The following ABCB11 variants were observed in gnomAD, a reference collection of about 807,000 sequenced individuals.
ABCB11 encodes ATP binding cassette subfamily B member 11.
In ABCB11, 95 loss-of-function variants were observed where a neutral mutation model predicts 148.0. That is an observed-to-expected ratio of 0.64 (90% confidence interval 0.54 to 0.76). ABCB11 has a LOEUF of 0.76. Among genes scored for constraint, ABCB11 ranks in the 30% least tolerant of loss-of-function variants. The pLI is 0.00. For missense variants in ABCB11, 1,523 were observed against 1,617.8 expected (o/e 0.94, Z 1.01); for synonymous variants, 591 against 555.4 (o/e 1.06, Z -0.90).
At position 168,923,802 on chromosome 2, in the gene ABCB11, G is replaced by T; in HGVS notation, c.3786C>A (p.Asp1262Glu). 1 of 1,613,926 alleles carries T rather than the reference G, an allele frequency of 6.2e-7. No individual in the cohort carries two copies. Among genetic ancestry groups the T allele is most frequent in the Non-Finnish European group, 8.5e-7 (1 of 1,179,882 alleles). The stretch of plus-strand genomic sequence containing the variant: ...TGCAGGTCCGACCCTCTCTGGCTTT[G>T]TCTAGAGCAACCTGCACCGTCTGCA... ...ESEKTVQVAL[D>E]KAREGRTCIV... Residue 1262 changes from aspartate (D) to glutamate (E), a missense_variant, in exon 28 of 28, where the codon GAC becomes GAA. Coordinates refer to ENST00000650372, the MANE Select transcript of ABCB11 (RefSeq NM_003742.4).
downstream of ABCB11, among the ~76,000 whole-genome samples, chr2:168,919,624 ATTT>A (rs774341336): frequency 1.3e-3 from 163 of 125,538 alleles, no homozygotes; most frequent in African/African-American, 4.7e-3. Context: ...CTGTGACCTT[ATTT>A]TTTAAAAAAA....
chr2:169,030,779 A>C (rs1362205254), intron 1 of ABCB11, among the ~76,000 whole-genome samples: 2 of 152,198 alleles, frequency 1.3e-5, no homozygotes, highest in Admixed American at 6.5e-5. Context: ...GTTGGAGAAA[A>C]GATAAAGTCG....
intron 12 of ABCB11, among the ~76,000 whole-genome samples, chr2:168,975,156 TAATA>T (rs574270382): frequency 6.9e-5 from 3 of 43,736 alleles, no homozygotes; most frequent in African/African-American, 1.8e-4. Flanking sequence ...GATAAATATA[TAATA>T]AATATTTTTA....
chr2:169,014,905 G>A (rs978567043), intron 3 of ABCB11, among the ~76,000 whole-genome samples: 3 of 151,870 alleles, frequency 2.0e-5, no homozygotes, highest in South Asian at 4.2e-4. Context: ...CTTCAACTTC[G>A]GGGATCTTGA....
At chr2:168,976,757 A>G in intron 11 of ABCB11, 70 bp from the exon 12 acceptor site, 1 of 927,318 alleles carries the variant, frequency 1.1e-6, no homozygotes, top group Non-Finnish European at 1.7e-6. Context: ...CAAATTGTAA[A>G]TTCAAATAAA....
intron 8 of ABCB11, among the ~76,000 whole-genome samples, chr2:168,991,336 CAT>C (rs1454307444): frequency 2.0e-5 from 3 of 151,986 alleles, no homozygotes; most frequent in African/African-American, 7.2e-5. Context: ...TAATATATGA[CAT>C]ATAACATATA....
intron 5 of ABCB11, among the ~76,000 whole-genome samples, chr2:169,004,538 GCTAT>G (rs1233872461): frequency 6.6e-6 from 1 of 151,924 alleles, no homozygotes; most frequent in African/African-American, 2.4e-5. Flanking sequence ...TTTTATTTAT[GCTAT>G]CTATTTAACT....
In ABCB11 at chr2:168,932,458, A is replaced by G. The variant is rs199974713; in HGVS notation, c.3132T>C (p.Ala1044=). The G allele has an allele frequency of 6.4e-5, 103 of 1,612,864 alleles. No homozygotes were observed. Among genetic ancestry groups the G allele is most frequent in the Admixed American group, 5.3e-4 (32 of 59,896 alleles). ...GAAAAAAGCGTGCAGCTGATATTTTAGCTTTTGCATAACTTGGGGTGTAAG... is the reference window on the plus strand; with the variant it reads ...GAAAAAAGCGTGCAGCTGATATTTTGGCTTTTGCATAACTTGGGGTGTAAG... ...AFSYTPSYAK[A]KISAARFFQL... The change falls in exon 24 of 28, where the codon GCT becomes GCC. Residue 1044 remains alanine, a synonymous_variant. Transcript: ENST00000650372.
At chr2:168,975,926 A>C (rs1693884200) in intron 12 of ABCB11, among the ~76,000 whole-genome samples, 1 of 151,766 alleles carries the variant, frequency 6.6e-6, no homozygotes, top group African/African-American at 2.4e-5. Flanking sequence ...TACTCTGTTG[A>C]AAATGAGGAA....
At position 168,984,872 on chromosome 2, in the gene ABCB11, G is replaced by T. The variant is rs1056626432; in HGVS notation, c.1083+1238C>A. ...AAAGCCCTTCTAGACTTTGGCCTAGGCAAAGATTTCATGACCAAGAACCCA... is the reference window on the plus strand; with the variant it reads ...AAAGCCCTTCTAGACTTTGGCCTAGTCAAAGATTTCATGACCAAGAACCCA... On this transcript the variant is annotated intron_variant, in intron 10 of 27. Coordinates refer to ENST00000650372, the MANE Select transcript of ABCB11 (RefSeq NM_003742.4). Among the ~76,000 whole-genome samples the T allele has an allele frequency of 2.0e-5, 3 of 152,154 alleles. 1 individual carries two copies. The highest frequency in any genetic ancestry group is 7.2e-5 in the African/African-American group (3 of 41,528).
intron 19 of ABCB11, among the ~76,000 whole-genome samples, chr2:168,946,577 A>C (rs1692332482): frequency 6.6e-6 from 1 of 151,780 alleles, no homozygotes; most frequent in African/African-American, 2.4e-5. Flanking sequence ...AAAATTCAAA[A>C]ATTTAAAGAT....
chr2:169,009,143 C>T lies in ABCB11; in HGVS notation c.389+4129G>A, dbSNP rs114419498. 9.1e-3 allele frequency among the ~76,000 whole-genome samples: 1,390 copies of T among 152,122 alleles called. 19 individuals carry two copies. Among genetic ancestry groups the T allele is most frequent in the African/African-American group, 0.031 (1,277 of 41,494 alleles). ...GGATGAGGTACTAGAAAGTGATGGC[C>T]GAGGGGCAAGGGGTTTCTTTTTCTA... On this transcript the variant is annotated intron_variant, in intron 5 of 27. Transcript: ENST00000650372.
At chr2:168,969,640 T>C in intron 15 of ABCB11, 89 bp from the exon 16 acceptor site, 1 of 1,177,256 alleles carries the variant, frequency 8.5e-7, no homozygotes, top group South Asian at 1.5e-5. Context: ...ATAGGAAAGT[T>C]AGATCCTTGG....
chr2:168,968,357 G>A lies in ABCB11; in HGVS notation c.2075+70C>T. 5.7e-6 allele frequency: 8 copies of A among 1,409,938 alleles called. No individual in the cohort carries two copies. The South Asian group carries it at 8.5e-5, about 15-fold the overall frequency. 87.3% of individuals were successfully genotyped at this position (1,409,938 alleles called of 1,614,324 possible). A position where few individuals can be genotyped will look rare whatever the true frequency, so the allele number is the denominator to read the frequency against. On this transcript the variant is annotated intron_variant, in intron 17 of 27. Coordinates refer to ENST00000650372, the MANE Select transcript of ABCB11 (RefSeq NM_003742.4). Reference sequence around the variant, plus strand: ...TTGTTGTACCTGAGATATTCTCTGAGGATTAGGACTACAGAGGACTCCTCA... The same window carrying A: ...TTGTTGTACCTGAGATATTCTCTGAAGATTAGGACTACAGAGGACTCCTCA...
At chr2:168,957,669 G>A (rs1304060352) in intron 19 of ABCB11, among the ~76,000 whole-genome samples, 1 of 151,642 alleles carries the variant, frequency 6.6e-6, no homozygotes. Flanking sequence ...GATTAGGTTT[G>A]ATATACATTA....
At position 169,007,790 on chromosome 2, in the gene ABCB11, C is replaced by A. The variant is rs114627081; in HGVS notation, c.389+5482G>T. The stretch of plus-strand genomic sequence containing the variant: ...AACAAAAGAACAAACTAGACATCAC[C>A]AAAATTAAACACTTCAGTGCTTCAA... On this transcript the variant is annotated intron_variant, in intron 5 of 27. Coordinates refer to ENST00000650372, the MANE Select transcript of ABCB11 (RefSeq NM_003742.4). Among the ~76,000 whole-genome samples, 1,107 of 152,108 alleles carry A rather than the reference C, an allele frequency of 7.3e-3. 10 individuals are homozygous for A. Among genetic ancestry groups the A allele is most frequent in the African/African-American group, 0.023 (950 of 41,504 alleles).
In ABCB11 at chr2:168,934,857, C is replaced by A. The variant is rs183484067; in HGVS notation, c.3056+327G>T. 4.4e-4 allele frequency among the ~76,000 whole-genome samples: 67 copies of A among 152,250 alleles called. 1 individual carries two copies. In the East Asian group the frequency reaches 0.011, roughly 25 times the overall value. The stretch of plus-strand genomic sequence containing the variant: ...AACAGAAAATTAGAAAGTTTCTTTG[C>A]GTGGAGAGACTTGAAAAGTACTTGC... On this transcript the variant is annotated intron_variant, in intron 23 of 27. Transcript: ENST00000650372.
chr2:168,961,872 G>C (rs1411426324), intron 18 of ABCB11, among the ~76,000 whole-genome samples: 1 of 151,640 alleles, frequency 6.6e-6, no homozygotes, highest in Non-Finnish European at 1.5e-5. Context: ...CCGTAAGAGA[G>C]TATTTCCCAA....
intron 18 of ABCB11, among the ~76,000 whole-genome samples, chr2:168,960,288 C>G (rs903040878): frequency 2.0e-5 from 3 of 151,682 alleles, no homozygotes; most frequent in African/African-American, 7.3e-5. Context: ...GGCTAGGATT[C>G]TATAATGTAT....
Sources: gnomAD v4.1 joint callset for allele counts (sites outside exome capture counted in the v4.1 genomes callset) on GRCh38, gnomAD v4.1.1 for gene constraint, MANE v1.5 for transcripts, NCBI Gene and HGNC (gene_info 2026-07-23, HGNC 2026-07-21) for gene names.